Variants in IGF1R observed in about 807,000 individuals in gnomAD.
The protein encoded by IGF1R is insulin-like growth factor 1 receptor.
Under a neutral mutation model 144.6 loss-of-function variants are expected in IGF1R, and 44 were observed. The ratio of observed to expected loss-of-function variants is 0.30; its 90% CI spans 0.24 to 0.39. The LOEUF (loss-of-function observed/expected upper bound fraction) is 0.39. Ranked by LOEUF, IGF1R falls within the 10% of genes least tolerant of loss-of-function variation. The pLI is 1.00. For synonymous variants in IGF1R, 795 were observed against 722.8 expected, an observed-to-expected ratio of 1.10 and a Z score of -1.60; for missense variants, 1,355 against 1,833.7, an observed-to-expected ratio of 0.74 and a Z score of 4.77.
rs776629314 is a variant in IGF1R at position 98,943,057 on chromosome 15, G to A, written c.3587+5G>A. On this transcript the variant is annotated splice_donor_5th_base_variant and intron_variant, in intron 19 of 20. Coordinates refer to ENST00000650285, the MANE Select transcript of IGF1R (RefSeq NM_000875.5). ...CACCACTTACTCGGACGTCTGGTAT[G>A]AGAACCTTTACTGCATTGCCAGCCT... 1 of 1,614,198 alleles carries A rather than the reference G, an allele frequency of 6.2e-7. No individual in the cohort carries two copies. The highest frequency in any genetic ancestry group is 1.7e-5 in the Admixed American group (1 of 60,028).
At chr15:98,920,930 C>A (rs749908584) in intron 10 of IGF1R, among the ~76,000 whole-genome samples, 3 of 152,138 alleles carry the variant, frequency 2.0e-5, no homozygotes, top group Non-Finnish European at 4.4e-5. Context: ...AGAAGCCTGC[C>A]GAGCGTCAGC....
At chr15:98,885,266 C>G (rs1246134107) in intron 2 of IGF1R, among the ~76,000 whole-genome samples, 1 of 152,320 alleles carries the variant, frequency 6.6e-6, no homozygotes, top group East Asian at 1.9e-4. Context: ...CAAAAGAAGC[C>G]TTTCTCATTT....
intron 2 of IGF1R, among the ~76,000 whole-genome samples, chr15:98,819,600 T>C (rs1014325300): frequency 1.3e-5 from 2 of 152,200 alleles, no homozygotes; most frequent in Non-Finnish European, 2.9e-5. Flanking sequence ...GTTTAAAAGC[T>C]ACCTAGTTTA....
chr15:98,779,895 G>A (rs1457226504), intron 2 of IGF1R, among the ~76,000 whole-genome samples: 1 of 152,156 alleles, frequency 6.6e-6, no homozygotes, highest in Non-Finnish European at 1.5e-5. Flanking sequence ...TGCCCTCCAG[G>A]CTCGGAGGGC....
At chr15:98,890,920 A>G (rs1479134550) in intron 2 of IGF1R, among the ~76,000 whole-genome samples, 2 of 152,256 alleles carry the variant, frequency 1.3e-5, no homozygotes, top group African/African-American at 4.8e-5. Flanking sequence ...GAAAGTGAGC[A>G]GAGCACAATG....
intron 8 of IGF1R, among the ~76,000 whole-genome samples, chr15:98,915,079 G>A (rs1391611309): frequency 1.3e-5 from 2 of 152,170 alleles, no homozygotes; most frequent in Admixed American, 1.3e-4. Context: ...TTGCTTAAGT[G>A]ATATCCAGTG....
intron 2 of IGF1R, among the ~76,000 whole-genome samples, chr15:98,798,058 ATAT>A (rs2056287514): frequency 6.6e-6 from 1 of 152,160 alleles, no homozygotes; most frequent in African/African-American, 2.4e-5. Flanking sequence ...CGCTCCACAA[ATAT>A]TATTGAGCAC....
chr15:98,759,701 G>C (rs1231968155), intron 2 of IGF1R, among the ~76,000 whole-genome samples: 2 of 152,192 alleles, frequency 1.3e-5, no homozygotes, highest in Non-Finnish European at 2.9e-5. Flanking sequence ...ATGTCAGATA[G>C]AGTTGAATAT....
rs2053882910 is a variant in IGF1R at position 98,707,107 on chromosome 15, T to C, written c.95-455T>C. Among the ~76,000 whole-genome samples the C allele has an allele frequency of 6.6e-6, 1 of 152,218 alleles. No individual in the cohort carries two copies. Among genetic ancestry groups the C allele is most frequent in the African/African-American group, 2.4e-5 (1 of 41,450 alleles). On this transcript the variant is annotated intron_variant, in intron 1 of 20. Transcript: ENST00000650285. This position sits in a 1 kb window ranked among gnomAD's most constrained non-coding sequence, Gnocchi z 6.7. ...CCAGTGTAGAGTAGATTGATTGCCC[T>C]GTGTCCTTCAGGCAGGGTGCAGTAG...
chr15:98,805,618 T>C (rs911323178), intron 2 of IGF1R, among the ~76,000 whole-genome samples: 21 of 152,206 alleles, frequency 1.4e-4, no homozygotes, highest in African/African-American at 4.8e-4. Flanking sequence ...TGGGTGGCAG[T>C]CTGTGATAAC....
Position 98,649,661 on chromosome 15 carries a change from C to G in IGF1R, c.80C>G (p.Pro27Arg), listed in dbSNP as rs779890447. The change falls in exon 1 of 21, where the codon CCG (proline) becomes CGG (arginine). Residue 27 changes from proline (P) to arginine (R), a missense_variant. Physicochemically the swap from Pro to Arg is moderately radical, Grantham distance 103. This residue lies in a region of IGF1R where 49 missense variants were observed against 34.7 expected (regional missense o/e 1.41). Coordinates refer to ENST00000650285, the MANE Select transcript of IGF1R (RefSeq NM_000875.5). Reference protein sequence around the residue: ...LFLSAALSLWPTSGEICGPGI... With the variant: ...LFLSAALSLWRTSGEICGPGI... ...CTCTCCGCCGCGCTCTCGCTCTGGC[C>G]GACGAGTGGAGAAAGTGAGTATGTG... 5 of 1,609,838 alleles carry G rather than the reference C, an allele frequency of 3.1e-6. No individual in the cohort carries two copies. Among genetic ancestry groups the G allele is most frequent in the African/African-American group, 1.3e-5 (1 of 74,656 alleles).
chr15:98,924,783 A>C (rs766678861), intron 13 of IGF1R, 99 bp downstream of exon 13: 34 of 1,129,436 alleles, frequency 3.0e-5, no homozygotes, highest in Non-Finnish European at 4.4e-5. Context: ...ATTTTCTGTT[A>C]AAATGGAGTT....
At chr15:98,886,228 C>T (rs1033247896) in intron 2 of IGF1R, among the ~76,000 whole-genome samples, 2 of 152,106 alleles carry the variant, frequency 1.3e-5, no homozygotes, top group African/African-American at 4.8e-5. Context: ...TAATTTGATA[C>T]ATTCGAGGAC....
chr15:98,770,215 C>A (rs908766653), intron 2 of IGF1R, among the ~76,000 whole-genome samples: 1 of 152,160 alleles, frequency 6.6e-6, no homozygotes, highest in Admixed American at 6.5e-5. Flanking sequence ...GAATGTCTCT[C>A]TGCTGGGATT....
intron 2 of IGF1R, among the ~76,000 whole-genome samples, chr15:98,864,228 C>T (rs967869674): frequency 2.0e-5 from 3 of 152,182 alleles, no homozygotes; most frequent in African/African-American, 4.8e-5. Context: ...GCTCTCCAGC[C>T]TGGACAACAG....
chr15:98,901,620 G>GA (rs1392482661), intron 5 of IGF1R, among the ~76,000 whole-genome samples: 2 of 152,184 alleles, frequency 1.3e-5, no homozygotes, highest in African/African-American at 2.4e-5. Flanking sequence ...GAAAGAGAAG[G>GA]ACAGGATACG....
At chr15:98,903,478 TC>T (rs759802804) in intron 5 of IGF1R, among the ~76,000 whole-genome samples, 2 of 152,212 alleles carry the variant, frequency 1.3e-5, no homozygotes, top group African/African-American at 4.8e-5. Flanking sequence ...TTTTCACATT[TC>T]CCTGGGACTT....
chr15:98,935,258 C>T lies in IGF1R; in HGVS notation c.3187-58C>T, dbSNP rs545786809. 37 of 1,081,308 alleles carry T rather than the reference C, an allele frequency of 3.4e-5. No homozygotes were observed. In the African/African-American group the frequency reaches 5.2e-4, roughly 15 times the overall value. 67.0% of individuals were successfully genotyped at this position (1,081,308 alleles called of 1,614,324 possible). A position where few individuals can be genotyped will look rare whatever the true frequency, so the allele number is the denominator to read the frequency against. On this transcript the variant is annotated intron_variant, in intron 16 of 20. Coordinates refer to ENST00000650285, the MANE Select transcript of IGF1R (RefSeq NM_000875.5). This position sits in a 1 kb window ranked among gnomAD's most constrained non-coding sequence, Gnocchi z 4.2. Reference sequence around the variant, plus strand: ...ACCACAGAGACAGTTCCAGACAACACAGGCATCAGCAAGGGCCACCTGACC... The same window carrying T: ...ACCACAGAGACAGTTCCAGACAACATAGGCATCAGCAAGGGCCACCTGACC...
chr15:98,659,740 T>A (rs1235762551), intron 1 of IGF1R, among the ~76,000 whole-genome samples: 1 of 152,154 alleles, frequency 6.6e-6, no homozygotes, highest in Non-Finnish European at 1.5e-5. Flanking sequence ...AATTTAAAGC[T>A]CCAAAATATT....
Sources: gnomAD v4.1 joint callset for allele counts (sites outside exome capture counted in the v4.1 genomes callset) on GRCh38, gnomAD v4.1.1 for gene constraint, gnomAD v4.1.1 regional missense constraint, Gnocchi (gnomAD v3.1) non-coding constraint, MANE v1.5 for transcripts, NCBI Gene and HGNC (gene_info 2026-07-23, HGNC 2026-07-21) for gene names.